The following TIAM1 variants were observed in gnomAD, a reference collection of about 807,000 sequenced individuals.
TIAM1 encodes the protein rho guanine nucleotide exchange factor TIAM1.
In TIAM1, 65 loss-of-function variants were observed where a neutral mutation model predicts 163.5. The observed-to-expected ratio is 0.40, with a 90% CI of 0.33 to 0.49. TIAM1 has a LOEUF of 0.49. Among genes scored for constraint, TIAM1 ranks in the 20% least tolerant of loss-of-function variants. TIAM1 has a pLI of 0.77. For missense variants in TIAM1, 1,789 were observed against 2,044.7 expected (o/e 0.87, Z 2.41); for synonymous variants, 833 against 810.1 (o/e 1.03, Z -0.48).
intron 11 of TIAM1, among the ~76,000 whole-genome samples, 196 bp from the exon 12 acceptor site, chr21:31,203,208 C>T (rs1430909238): frequency 1.3e-5 from 2 of 152,158 alleles, no homozygotes; most frequent in African/African-American, 2.4e-5. Context: ...CTGCAACCTT[C>T]GCCTCCTGGG....
At chr21:31,412,682 T>C (rs774825021) in intron 2 of TIAM1, among the ~76,000 whole-genome samples, 1 of 148,606 alleles carries the variant, frequency 6.7e-6, no homozygotes, top group Non-Finnish European at 1.5e-5. Flanking sequence ...CTTGGGAGGC[T>C]GAGGAAGGAG....
upstream of TIAM1, among the ~76,000 whole-genome samples, chr21:31,344,828 T>C (rs1569250001): frequency 6.6e-6 from 1 of 152,210 alleles, no homozygotes; most frequent in Non-Finnish European, 1.5e-5. Context: ...TTAAAATTAC[T>C]CACATAGTGG....
At chr21:31,410,150 G>A (rs549561136) in intron 2 of TIAM1, among the ~76,000 whole-genome samples, 1 of 151,804 alleles carries the variant, frequency 6.6e-6, no homozygotes, top group African/African-American at 2.4e-5. Context: ...ACATGTGAAA[G>A]AGCATATATG....
At chr21:31,322,454 G>T (rs1418583618) in intron 2 of TIAM1, among the ~76,000 whole-genome samples, 1 of 143,568 alleles carries the variant, frequency 7.0e-6, no homozygotes, top group East Asian at 2.1e-4. Flanking sequence ...TGGGTGGGGG[G>T]GGGTGCCATC....
At chr21:31,515,366 G>C (rs1649215291) in intron 1 of TIAM1, among the ~76,000 whole-genome samples, 1 of 152,194 alleles carries the variant, frequency 6.6e-6, no homozygotes, top group Admixed American at 6.5e-5. Context: ...TGTGCACTGT[G>C]CCCCAGATCT....
intron 17 of TIAM1, among the ~76,000 whole-genome samples, chr21:31,153,877 A>G (rs984030509): frequency 6.7e-6 from 1 of 149,562 alleles, no homozygotes; most frequent in Non-Finnish European, 1.5e-5. Context: ...CATGGGCAAC[A>G]TGGTGAAACC....
intron 2 of TIAM1, among the ~76,000 whole-genome samples, chr21:31,336,088 C>T (rs576918706): frequency 1.3e-5 from 2 of 152,126 alleles, no homozygotes; most frequent in African/African-American, 2.4e-5. Context: ...CTTACAATGT[C>T]GGGGGCGCAC....
chr21:31,304,133 C>T (rs1246081369), intron 2 of TIAM1, among the ~76,000 whole-genome samples: 2 of 152,126 alleles, frequency 1.3e-5, no homozygotes, highest in Non-Finnish European at 2.9e-5. Context: ...GTGAGAGCTA[C>T]ACACATGTTC....
intron 1 of TIAM1, among the ~76,000 whole-genome samples, chr21:31,554,398 CCCTTT>C (rs143500544): frequency 6.7e-4 from 102 of 152,286 alleles, no homozygotes; most frequent in African/African-American, 2.4e-3. Context: ...ACTTCCCCCT[CCCTTT>C]CATCTTTCTT....
intron 22 of TIAM1, among the ~76,000 whole-genome samples, chr21:31,139,735 G>T (rs2082761127): frequency 6.6e-6 from 1 of 152,114 alleles, no homozygotes; most frequent in Admixed American, 6.5e-5. Context: ...ACATTCTCAT[G>T]CTCTGCTTGT....
At chr21:31,472,228 T>A (rs2045768904) in intron 1 of TIAM1, among the ~76,000 whole-genome samples, 1 of 152,044 alleles carries the variant, frequency 6.6e-6, no homozygotes, top group Admixed American at 6.6e-5. Flanking sequence ...CAAACAAAGT[T>A]ATCAGAATAG....
At chr21:31,188,683 C>T (rs2085411686) in intron 13 of TIAM1, among the ~76,000 whole-genome samples, 1 of 152,098 alleles carries the variant, frequency 6.6e-6, no homozygotes, top group African/African-American at 2.4e-5. Context: ...CAGACAATTC[C>T]CTACCTCATC....
chr21:31,558,039 A>C (rs2123347850), intron 1 of TIAM1, among the ~76,000 whole-genome samples: 1 of 152,258 alleles, frequency 6.6e-6, no homozygotes, highest in Admixed American at 6.5e-5. Context: ...GACAGCGCGC[A>C]ACAACTTCTC....
In TIAM1 at chr21:31,251,943, C is replaced by CCGG; in HGVS notation, c.1209_1210insCCG (p.Glu403_Ala404insPro). On this transcript the variant is annotated inframe_insertion, in exon 5 of 28. Transcript: ENST00000541036. ...TGCTCATCGCTGTGCGCCGAGCCGGCCTCCTCCAGGCTCTCGCTGTTGGTG... is the reference window on the plus strand; with the variant it reads ...TGCTCATCGCTGTGCGCCGAGCCGGCCGGCTCCTCCAGGCTCTCGCTGTTGGTG... The CCGG allele has an allele frequency of 6.2e-7, 1 of 1,613,940 alleles. No individual in the cohort carries two copies. Among genetic ancestry groups the CCGG allele is most frequent in the Non-Finnish European group, 8.5e-7 (1 of 1,179,926 alleles).
chr21:31,327,738 A>G (rs1350861540), intron 2 of TIAM1, among the ~76,000 whole-genome samples: 1 of 151,896 alleles, frequency 6.6e-6, no homozygotes, highest in East Asian at 1.9e-4. Context: ...CCACCCCACC[A>G]TCACCCTGCA....
At position 31,277,539 on chromosome 21, in the gene TIAM1, G is replaced by A. The variant is rs538619122; in HGVS notation, c.-188-631C>T. ...AGGTGCTTGTAATCCCAGATACTCA[G>A]GAGGCTGTGGCGGGAGAATCGCTGG... On this transcript the variant is annotated intron_variant, in intron 2 of 27. Coordinates refer to ENST00000541036, the MANE Select transcript of TIAM1 (RefSeq NM_001353694.2). Among the ~76,000 whole-genome samples the A allele has an allele frequency of 2.0e-5, 3 of 152,178 alleles. No individual in the cohort carries two copies. In the South Asian group the frequency reaches 6.2e-4, roughly 31 times the overall value.
intron 6 of TIAM1, among the ~76,000 whole-genome samples, chr21:31,234,589 T>C (rs1358903356): frequency 6.6e-6 from 1 of 151,954 alleles, no homozygotes; most frequent in East Asian, 1.9e-4. Context: ...AAGACCAGCC[T>C]AGGCAACATG....
intron 11 of TIAM1, among the ~76,000 whole-genome samples, chr21:31,203,831 C>T (rs963665903): frequency 9.2e-5 from 14 of 152,172 alleles, no homozygotes; most frequent in Admixed American, 7.2e-4. Context: ...AGTGTGAAGA[C>T]AAGGCTTTTG....
At chr21:31,222,277 T>C (rs1325010622) in intron 8 of TIAM1, among the ~76,000 whole-genome samples, 1 of 152,194 alleles carries the variant, frequency 6.6e-6, no homozygotes, top group Non-Finnish European at 1.5e-5. Context: ...CATTTAATTC[T>C]CTAGCAAATG....
Sources: allele counts gnomAD v4.1 joint callset (sites outside exome capture counted in the v4.1 genomes callset), GRCh38; gene constraint gnomAD v4.1.1; transcripts MANE v1.5; gene names NCBI Gene and HGNC (gene_info 2026-07-23, HGNC 2026-07-21).